ZNF423: variants seen among roughly 807,000 people sequenced by gnomAD.
ZNF423 encodes the protein Ebf-associated zinc finger protein.
In ZNF423, 12 loss-of-function variants were observed where a neutral mutation model predicts 95.8. The observed-to-expected ratio is 0.13, with a 90% CI of 0.08 to 0.20. The LOEUF is 0.20. Among genes scored for constraint, ZNF423 ranks in the 10% least tolerant of loss-of-function variants. The pLI is 1.00. For synonymous variants in ZNF423, 749 were observed against 711.9 expected (o/e 1.05, Z -0.83); for missense variants, 1,316 against 1,737.1 (o/e 0.76, Z 4.31).
chr16:49,540,435 C>T (rs540376854), intron 5 of ZNF423, among the ~76,000 whole-genome samples: 1 of 150,644 alleles, frequency 6.6e-6, no homozygotes, highest in African/African-American at 2.5e-5. Flanking sequence ...CCACCATGCC[C>T]CACTCATTTT....
intron 3 of ZNF423, among the ~76,000 whole-genome samples, chr16:49,655,408 C>A (rs1290923760): frequency 6.6e-6 from 1 of 152,162 alleles, no homozygotes; most frequent in Non-Finnish European, 1.5e-5. Context: ...AATCACTAGC[C>A]TATAAGCAGA....
At position 49,636,381 on chromosome 16, in the gene ZNF423, T is replaced by C. The variant is rs929536521; in HGVS notation, c.2795A>G (p.Glu932Gly). ...GCACTTGTGACTGCCCTTGATAAAC[T>C]CAGCCTTCTTGCGTGAGCCATCATC... ...GEDDGSRKKAEFIKGSHKCNV... is the reference protein window; with the variant it reads ...GEDDGSRKKAGFIKGSHKCNV... Residue 932 changes from glutamate to glycine, a missense_variant, in exon 4 of 8, where the codon GAG (glutamate) becomes GGG (glycine). Coordinates refer to ENST00000563137, the MANE Select transcript of ZNF423 (RefSeq NM_001379286.1). This position sits in a 1 kb window ranked among gnomAD's most constrained non-coding sequence, Gnocchi z 8.6. 5 of 1,612,948 alleles carry C rather than the reference T, an allele frequency of 3.1e-6. No individual in the cohort carries two copies. In the East Asian group the frequency reaches 1.1e-4, roughly 36 times the overall value.
intron 3 of ZNF423, among the ~76,000 whole-genome samples, chr16:49,639,582 C>A (rs1218140604): frequency 6.6e-6 from 1 of 152,166 alleles, no homozygotes; most frequent in Non-Finnish European, 1.5e-5. Flanking sequence ...CATCCTGAGA[C>A]CCTTGTTTTC....
At chr16:49,623,498 C>A (rs749867535) in intron 5 of ZNF423, among the ~76,000 whole-genome samples, 4 of 152,260 alleles carry the variant, frequency 2.6e-5, no homozygotes, top group Non-Finnish European at 5.9e-5. Context: ...GCCAGGCTTG[C>A]GCCCTTCATG....
At chr16:49,770,653 G>A (rs558965647) in intron 2 of ZNF423, among the ~76,000 whole-genome samples, 134 of 152,218 alleles carry the variant, frequency 8.8e-4, no homozygotes, top group Middle Eastern at 3.4e-3. Flanking sequence ...CCACTTTGGA[G>A]TAGGTGGGAA....
chr16:49,781,370 G>A (rs2034209167), intron 2 of ZNF423, among the ~76,000 whole-genome samples: 1 of 152,190 alleles, frequency 6.6e-6, no homozygotes, highest in Non-Finnish European at 1.5e-5. Flanking sequence ...AGACACTAAG[G>A]TGAGAGGTAC....
rs754304924 is a variant in ZNF423 at position 49,636,592 on chromosome 16, C to G, written c.2584G>C (p.Glu862Gln). 6.2e-7 allele frequency: 1 copy of G among 1,613,868 alleles called. No individual in the cohort carries two copies. The highest frequency in any genetic ancestry group is 1.7e-5 in the Admixed American group (1 of 60,008). The change falls in exon 4 of 8, where the codon GAG (glutamate) becomes CAG (glutamine). Residue 862 changes from glutamate (E) to glutamine (Q), a missense_variant. By Grantham distance (29) the Glu-to-Gln change is conservative. Coordinates refer to ENST00000563137, the MANE Select transcript of ZNF423 (RefSeq NM_001379286.1). This position sits in a 1 kb window ranked among gnomAD's most constrained non-coding sequence, Gnocchi z 8.6. ...AGCATGCCCTGCAGGTCAGCAGGCTCAGCTTTCTTGGTGGCCATTGGGGGT... is the reference window on the plus strand; with the variant it reads ...AGCATGCCCTGCAGGTCAGCAGGCTGAGCTTTCTTGGTGGCCATTGGGGGT... ...GVPPMATKKA[E>Q]PADLQGMLLK...
At chr16:49,518,090 G>GAA in intron 7 of ZNF423, 1 of 445,736 alleles carries the variant, frequency 2.2e-6, no homozygotes, top group South Asian at 1.6e-5. Flanking sequence ...ACTGACAATG[G>GAA]AAAAGTTCAT....
At chr16:49,604,649 A>G (rs1971477544) in intron 5 of ZNF423, among the ~76,000 whole-genome samples, 1 of 152,190 alleles carries the variant, frequency 6.6e-6, no homozygotes, top group Non-Finnish European at 1.5e-5. Flanking sequence ...AATCACGGTC[A>G]GTGCAATCCC....
At chr16:49,768,385 G>C (rs1567334336) in intron 2 of ZNF423, among the ~76,000 whole-genome samples, 1 of 152,216 alleles carries the variant, frequency 6.6e-6, no homozygotes, top group Admixed American at 6.5e-5. Flanking sequence ...AAGCATGAGA[G>C]CCGCTAGGCT....
intron 3 of ZNF423, among the ~76,000 whole-genome samples, chr16:49,658,282 T>C (rs1270609916): frequency 6.6e-6 from 1 of 152,048 alleles, no homozygotes; most frequent in Non-Finnish European, 1.5e-5. Context: ...CCCAGCACCG[T>C]GCCTGGCCAG....
intron 7 of ZNF423, among the ~76,000 whole-genome samples, chr16:49,503,562 C>T (rs979293187): frequency 2.0e-5 from 3 of 152,198 alleles, no homozygotes; most frequent in Non-Finnish European, 4.4e-5. Context: ...GGCTTCTCCA[C>T]ATCGGAGCCA....
chr16:49,577,745 C>T (rs1162520364), intron 5 of ZNF423, among the ~76,000 whole-genome samples: 3 of 152,200 alleles, frequency 2.0e-5, no homozygotes, highest in Non-Finnish European at 4.4e-5. Context: ...CCCCACGCCC[C>T]ACTGATGGCA....
intron 5 of ZNF423, among the ~76,000 whole-genome samples, chr16:49,530,549 G>T (rs564666958): frequency 6.6e-6 from 1 of 152,288 alleles, no homozygotes; most frequent in Non-Finnish European, 1.5e-5. Context: ...GGCACCAGGA[G>T]ACGCTTGACG....
At chr16:49,769,473 G>T (rs1366835634) in intron 2 of ZNF423, among the ~76,000 whole-genome samples, 1 of 151,986 alleles carries the variant, frequency 6.6e-6, no homozygotes, top group Admixed American at 6.6e-5. Flanking sequence ...CCATAAGCTT[G>T]CACCTGGATG....
chr16:49,644,241 G>A (rs934421066), intron 3 of ZNF423, among the ~76,000 whole-genome samples: 5 of 152,168 alleles, frequency 3.3e-5, no homozygotes, highest in Admixed American at 2.6e-4. Flanking sequence ...TATGCAAGAG[G>A]CCCTAAAAAG....
chr16:49,677,321 G>GAGAAA (rs2031139077), intron 3 of ZNF423, among the ~76,000 whole-genome samples: 3 of 48,394 alleles, frequency 6.2e-5, no homozygotes, highest in African/African-American at 2.7e-4. Flanking sequence ...AGGAGGGGAA[G>GAGAAA]GGAGGGGAGG....
Position 49,734,633 on chromosome 16 carries a change from C to T in ZNF423, c.101-3662G>A, listed in dbSNP as rs149466229. Reference sequence around the variant, plus strand: ...GAAGACAGCTCGCTCAGGGAAGGCCCGAGCCAAATGGATTTCAAATCAGGG... The same window carrying T: ...GAAGACAGCTCGCTCAGGGAAGGCCTGAGCCAAATGGATTTCAAATCAGGG... On this transcript the variant is annotated intron_variant, in intron 2 of 7. Coordinates refer to ENST00000563137, the MANE Select transcript of ZNF423 (RefSeq NM_001379286.1). Among the ~76,000 whole-genome samples the T allele has an allele frequency of 4.8e-4, 73 of 152,318 alleles. 1 individual carries two copies. The highest frequency in any genetic ancestry group is 7.6e-4 in the Non-Finnish European group (52 of 68,024).
At chr16:49,769,474 C>CACCTGGATGAGTACTTGGTCAGCCCCG (rs1163939975) in intron 2 of ZNF423, among the ~76,000 whole-genome samples, 1 of 152,136 alleles carries the variant, frequency 6.6e-6, no homozygotes, top group Non-Finnish European at 1.5e-5. Context: ...CATAAGCTTG[C>CACCTGGATGAGTACTTGGTCAGCCCCG]ACCTGGATGA....
Sources: gnomAD v4.1 joint callset for allele counts (sites outside exome capture counted in the v4.1 genomes callset) on GRCh38, gnomAD v4.1.1 for gene constraint, Gnocchi (gnomAD v3.1) non-coding constraint, MANE v1.5 for transcripts, NCBI Gene and HGNC (gene_info 2026-07-23, HGNC 2026-07-21) for gene names.